The following PRR16 variants were observed in gnomAD, a reference collection of about 807,000 sequenced individuals.
PRR16 encodes proline rich 16.
PRR16 carries 6 observed loss-of-function variants against 18.2 expected under a neutral mutation model. The observed-to-expected ratio is 0.33, with a 90% CI of 0.18 to 0.65. The LOEUF (loss-of-function observed/expected upper bound fraction) is 0.65, where lower values mean the gene tolerates loss of function less well. Among genes scored for constraint, PRR16 ranks in the 30% least tolerant of loss-of-function variants. The probability of loss-of-function intolerance (pLI) is 0.74; values close to 1 mark genes in which losing one functional copy is unlikely to be tolerated. For missense variants in PRR16, 412 were observed against 376.6 expected, an observed-to-expected ratio of 1.09 and a Z score of -0.78; for synonymous variants, 151 against 147.8, an observed-to-expected ratio of 1.02 and a Z score of -0.16.
At chr5:120,701,929 G>A in the PRR16 span, among the ~76,000 whole-genome samples, 23 of 152,266 alleles carry the variant, frequency 1.5e-4, no homozygotes, top group South Asian at 4.4e-3. Context: ...AACGACTGTC[G>A]AATTTGTACT....
intron 1 of PRR16, among the ~76,000 whole-genome samples, chr5:120,544,807 G>T (rs1026697490): frequency 1.3e-5 from 2 of 151,944 alleles, no homozygotes; most frequent in Non-Finnish European, 2.9e-5. Context: ...TGGGATTACA[G>T]GTGTCAGCCA....
chr5:120,618,674 A>C (rs1754590336), intron 1 of PRR16: 1 of 523,588 alleles, frequency 1.9e-6, no homozygotes, highest in African/African-American at 2.1e-5. Flanking sequence ...AAGTAAATTT[A>C]AAAGTCTGCC....
At chr5:120,472,501 A>T (rs1749301970) in intron 1 of PRR16, among the ~76,000 whole-genome samples, 1 of 152,120 alleles carries the variant, frequency 6.6e-6, no homozygotes, top group African/African-American at 2.4e-5. Context: ...CTGGAACAAA[A>T]GCTCACACAA....
intron 1 of PRR16, among the ~76,000 whole-genome samples, chr5:120,652,100 C>A (rs1268700610): frequency 2.0e-5 from 3 of 152,008 alleles, no homozygotes; most frequent in Non-Finnish European, 2.9e-5. Context: ...CTTTCAAGTT[C>A]TTTCACTTGG....
intron 1 of PRR16, among the ~76,000 whole-genome samples, chr5:120,560,166 T>A (rs989649956): frequency 1.3e-5 from 2 of 151,930 alleles, no homozygotes; most frequent in African/African-American, 4.8e-5. Context: ...GGACTTCTAT[T>A]GCTATGTTGA....
At chr5:120,741,896 A>C in the PRR16 span, among the ~76,000 whole-genome samples, 1 of 152,094 alleles carries the variant, frequency 6.6e-6, no homozygotes, top group East Asian at 1.9e-4. Flanking sequence ...CCACCGCACC[A>C]GGCCTCTGTG....
At chr5:120,538,646 T>C (rs566530586) in intron 1 of PRR16, among the ~76,000 whole-genome samples, 109 of 152,338 alleles carry the variant, frequency 7.2e-4, no homozygotes, top group African/African-American at 2.5e-3. Context: ...AGTACAGGTC[T>C]ATAGGGTGCT....
intron 1 of PRR16, among the ~76,000 whole-genome samples, chr5:120,508,814 C>G (rs1209123480): frequency 6.6e-6 from 1 of 152,062 alleles, no homozygotes; most frequent in African/African-American, 2.4e-5. Flanking sequence ...TATACTTTAT[C>G]AACCACTGAA....
chr5:120,622,094 G>A (rs1754708368), intron 1 of PRR16, among the ~76,000 whole-genome samples: 1 of 152,078 alleles, frequency 6.6e-6, no homozygotes, highest in Admixed American at 6.6e-5. Context: ...AATACTACCT[G>A]TAGTTTTTTC....
the PRR16 span, among the ~76,000 whole-genome samples, chr5:120,739,173 A>G: frequency 6.6e-6 from 1 of 152,140 alleles, no homozygotes; most frequent in Non-Finnish European, 1.5e-5. Context: ...TGAAAAACCA[A>G]AGTTTCTGTG....
chr5:120,474,929 A>G (rs1037015176), intron 1 of PRR16, among the ~76,000 whole-genome samples: 1 of 152,184 alleles, frequency 6.6e-6, no homozygotes, highest in Non-Finnish European at 1.5e-5. Flanking sequence ...TGTCTCATCC[A>G]TCAATTAGTC....
the PRR16 span, among the ~76,000 whole-genome samples, chr5:120,764,935 A>G: frequency 2.6e-5 from 4 of 152,194 alleles, no homozygotes; most frequent in East Asian, 5.8e-4. Context: ...ATTTCCTAGG[A>G]TGCCTGTGTT....
chr5:120,780,881 C>T, the PRR16 span, among the ~76,000 whole-genome samples: 2 of 152,044 alleles, frequency 1.3e-5, no homozygotes, highest in East Asian at 1.9e-4. Flanking sequence ...GAAACCCCAT[C>T]GCTACTAAAA....
intron 1 of PRR16, among the ~76,000 whole-genome samples, chr5:120,650,898 G>A (rs1339651550): frequency 1.3e-5 from 2 of 152,078 alleles, no homozygotes; most frequent in Non-Finnish European, 2.9e-5. Flanking sequence ...CTGAGGAATC[G>A]CCACACTGAC....
chr5:120,472,919 T>C (rs1003714571), intron 1 of PRR16, among the ~76,000 whole-genome samples: 1 of 152,196 alleles, frequency 6.6e-6, no homozygotes, highest in Non-Finnish European at 1.5e-5. Context: ...GACAAAAAGT[T>C]TTCAGAACTC....
intron 1 of PRR16, among the ~76,000 whole-genome samples, chr5:120,469,110 C>A (rs1258264559): frequency 6.6e-6 from 1 of 151,966 alleles, no homozygotes; most frequent in Non-Finnish European, 1.5e-5. Flanking sequence ...CAATTTGAAC[C>A]CCATAGGAAA....
At chr5:120,571,904 G>A (rs945079814) in intron 1 of PRR16, among the ~76,000 whole-genome samples, 2 of 152,046 alleles carry the variant, frequency 1.3e-5, no homozygotes, top group African/African-American at 2.4e-5. Flanking sequence ...ATACATGCCT[G>A]GTGTCTTGAC....
rs1047698441 is a variant in PRR16 at position 120,572,342 on chromosome 5, T to C, written c.159+107697T>C. On this transcript the variant is annotated intron_variant, in intron 1 of 1. Transcript: ENST00000407149. ...ATTCCAGTTGAATTTTAAGTGAACA[T>C]CTTCTAAGTTTGGCTAATGAATTAG... 1.6e-4 allele frequency among the ~76,000 whole-genome samples: 24 copies of C among 152,288 alleles called. 1 individual carries two copies. Among genetic ancestry groups the C allele is most frequent in the Middle Eastern group, 3.4e-3 (1 of 294 alleles).
intron 1 of PRR16, among the ~76,000 whole-genome samples, chr5:120,589,405 C>G (rs78798906): frequency 2.0e-5 from 3 of 152,090 alleles, no homozygotes; most frequent in African/African-American, 4.8e-5. Flanking sequence ...ATAATACTCA[C>G]AAATTCTCAA....
Sources: gnomAD v4.1 joint callset for allele counts (sites outside exome capture counted in the v4.1 genomes callset) on GRCh38, gnomAD v4.1.1 for gene constraint, MANE v1.5 for transcripts, NCBI Gene and HGNC (gene_info 2026-07-23, HGNC 2026-07-21) for gene names.